Variants in UTRN observed in about 807,000 individuals in gnomAD.
UTRN encodes dystrophin-related protein 1.
UTRN carries 283 observed loss-of-function variants against 463.9 expected under a neutral mutation model. The observed-to-expected ratio is 0.61, with a 90% CI of 0.55 to 0.67. The LOEUF (loss-of-function observed/expected upper bound fraction) is 0.67, where lower values mean the gene tolerates loss of function less well. Among genes scored for constraint, UTRN ranks in the 30% least tolerant of loss-of-function variants. The probability of loss-of-function intolerance (pLI) is 0.00; values close to 1 mark genes in which losing one functional copy is unlikely to be tolerated. For missense variants in UTRN, 3,922 were observed against 4,084.3 expected (o/e 0.96, Z 1.08); for synonymous variants, 1,442 against 1,431.5 (o/e 1.01, Z -0.17).
intron 53 of UTRN, among the ~76,000 whole-genome samples, chr6:144,722,639 T>C (rs1031028690): frequency 2.6e-5 from 4 of 152,150 alleles, no homozygotes; most frequent in Non-Finnish European, 1.5e-5. Context: ...CTTAGACATA[T>C]GTAACCATTT....
In UTRN at chr6:144,432,279, C is replaced by T. The variant is rs12663851; in HGVS notation, c.855+2538C>T. Among the ~76,000 whole-genome samples, 1,791 of 152,278 alleles carry T rather than the reference C, an allele frequency of 0.012. 70 individuals are homozygous for T. In the East Asian group the frequency reaches 0.14, roughly 12 times the overall value. Reference sequence around the variant, plus strand: ...GCACCCACCATTATATGGCAGCCTGCACATTTTTCCTCAGTTTAAATGGAG... The same window carrying T: ...GCACCCACCATTATATGGCAGCCTGTACATTTTTCCTCAGTTTAAATGGAG... On this transcript the variant is annotated intron_variant, in intron 9 of 74. Transcript: ENST00000367545.
intron 46 of UTRN, among the ~76,000 whole-genome samples, chr6:144,547,290 A>G: frequency 6.6e-6 from 1 of 152,192 alleles, no homozygotes; most frequent in Non-Finnish European, 1.5e-5. Flanking sequence ...TTTGTCTGCA[A>G]TGGGCATTGC....
chr6:144,539,537 C>T, intron 45 of UTRN, 94 bp downstream of exon 45: 3 of 1,306,452 alleles, frequency 2.3e-6, no homozygotes, highest in Non-Finnish European at 3.1e-6. Context: ...TCAAGTATGT[C>T]CAAATGGGGC....
At chr6:144,528,282 T>C (rs1000153221) in intron 41 of UTRN, among the ~76,000 whole-genome samples, 2 of 152,188 alleles carry the variant, frequency 1.3e-5, no homozygotes, top group Non-Finnish European at 2.9e-5. Context: ...GTTATCTGCC[T>C]GCCTTGGCCT....
At chr6:144,484,732 C>T (rs894503345) in intron 27 of UTRN, among the ~76,000 whole-genome samples, 10 of 151,716 alleles carry the variant, frequency 6.6e-5, no homozygotes, top group Non-Finnish European at 1.2e-4. Flanking sequence ...TGTGAACCAC[C>T]GCACTTGGTC....
intron 2 of UTRN, among the ~76,000 whole-genome samples, chr6:144,333,527 A>G (rs1274147111): frequency 6.6e-6 from 1 of 152,228 alleles, no homozygotes; most frequent in Non-Finnish European, 1.5e-5. Flanking sequence ...GCCAGGTAAA[A>G]AAAATGTTAT....
Position 144,487,531 on chromosome 6 carries a change from TCCCA to T in UTRN, c.3823-16_3823-13del, listed in dbSNP as rs1584981902. The T allele has an allele frequency of 6.4e-6, 10 of 1,573,566 alleles. No individual in the cohort carries two copies. The highest frequency in any genetic ancestry group is 1.7e-4 in the Middle Eastern group (1 of 5,922). Reference sequence around the variant, plus strand: ...TAGTAAATGCATTATTATTTTTTTTTCCCATCTCCATTCCAGTCTCTGGAATCTG... The same window carrying T: ...TAGTAAATGCATTATTATTTTTTTTTTCTCCATTCCAGTCTCTGGAATCTG... On this transcript the variant is annotated splice_polypyrimidine_tract_variant and intron_variant, in intron 28 of 74. Coordinates refer to ENST00000367545, the MANE Select transcript of UTRN (RefSeq NM_007124.3).
At chr6:144,328,907 C>T (rs1487815108) in intron 2 of UTRN, among the ~76,000 whole-genome samples, 5 of 152,016 alleles carry the variant, frequency 3.3e-5, no homozygotes, top group Non-Finnish European at 7.4e-5. Flanking sequence ...CCTCAGTCTC[C>T]CAAGTAGCTG....
Position 144,493,320 on chromosome 6 carries a change from G to A in UTRN, c.4457G>A (p.Ser1486Asn). 6.2e-7 allele frequency: 1 copy of A among 1,614,098 alleles called. No individual in the cohort carries two copies. The highest frequency in any genetic ancestry group is 8.5e-7 in the Non-Finnish European group (1 of 1,179,964). ...DKCMKLYKTLSEVKLEVETVI... is the reference protein window; with the variant it reads ...DKCMKLYKTLNEVKLEVETVI... ...TTAAAGAAACTGTATAAAACTTTGAGTGAAGTCAAACTTGAAGTGGAAACT... is the reference window on the plus strand; with the variant it reads ...TTAAAGAAACTGTATAAAACTTTGAATGAAGTCAAACTTGAAGTGGAAACT... Residue 1486 changes from serine to asparagine, a missense_variant, in exon 33 of 75, where the codon AGT becomes AAT. Transcript: ENST00000367545.
intron 41 of UTRN, among the ~76,000 whole-genome samples, chr6:144,525,592 A>G (rs1796500577): frequency 6.6e-6 from 1 of 151,986 alleles, no homozygotes; most frequent in Non-Finnish European, 1.5e-5. Context: ...AATCTCACCA[A>G]TAGTCTGTAA....
chr6:144,752,360 T>C (rs1228232940), intron 56 of UTRN, among the ~76,000 whole-genome samples: 2 of 152,260 alleles, frequency 1.3e-5, no homozygotes, highest in Admixed American at 6.5e-5. Flanking sequence ...TGGTTGCTAT[T>C]TAAATATCTT....
intron 9 of UTRN, among the ~76,000 whole-genome samples, chr6:144,432,019 T>C (rs1330596435): frequency 2.6e-5 from 4 of 152,204 alleles, no homozygotes; most frequent in African/African-American, 9.6e-5. Flanking sequence ...AGTTTTAGGG[T>C]ACATGTGCAC....
intron 2 of UTRN, among the ~76,000 whole-genome samples, chr6:144,341,966 T>A (rs1345362337): frequency 6.6e-6 from 1 of 152,226 alleles, no homozygotes; most frequent in Non-Finnish European, 1.5e-5. Flanking sequence ...CTTCAGGACC[T>A]CACTTCAGCA....
chr6:144,451,854 G>A (rs546511103), intron 18 of UTRN, among the ~76,000 whole-genome samples: 5 of 151,820 alleles, frequency 3.3e-5, no homozygotes, highest in South Asian at 2.1e-4. Flanking sequence ...TTTTGCCTTC[G>A]GAATACAACA....
At chr6:144,516,735 C>A in intron 38 of UTRN, 76 bp from the exon 39 acceptor site, 1 of 1,245,834 alleles carries the variant, frequency 8.0e-7, no homozygotes, top group Non-Finnish European at 1.0e-6. Context: ...GTTAGTTTTC[C>A]TCCTTAGGAG....
At chr6:144,726,888 G>T (rs1270992829) in intron 53 of UTRN, among the ~76,000 whole-genome samples, 1 of 152,158 alleles carries the variant, frequency 6.6e-6, no homozygotes, top group Non-Finnish European at 1.5e-5. Context: ...GAAGTTGATA[G>T]GTTGGTTTTC....
At chr6:144,817,673 C>T (rs1340497898) in intron 65 of UTRN, among the ~76,000 whole-genome samples, 2 of 152,256 alleles carry the variant, frequency 1.3e-5, no homozygotes, top group East Asian at 1.9e-4. Context: ...ACTTTATTGG[C>T]TCTATCCCAG....
At chr6:144,635,545 T>C (rs1427133564) in intron 51 of UTRN, among the ~76,000 whole-genome samples, 1 of 107,154 alleles carries the variant, frequency 9.3e-6, no homozygotes, top group Non-Finnish European at 1.7e-5. Flanking sequence ...CTTTTTTTTT[T>C]TTTTTTTTTT....
chr6:144,522,029 G>A lies in UTRN; in HGVS notation c.5591G>A (p.Arg1864Lys). The A allele has an allele frequency of 2.5e-6, 4 of 1,583,658 alleles. No individual in the cohort carries two copies. The highest frequency in any genetic ancestry group is 3.4e-6 in the Non-Finnish European group (4 of 1,167,594). Residue 1864 changes from arginine (R) to lysine (K), a missense_variant, in exon 40 of 75, where the codon AGA (arginine) becomes AAA (lysine). Arg to Lys is a conservative substitution (Grantham distance 26, BLOSUM62 2). This residue lies in a region of UTRN where 2,349 missense variants were observed against 2,303.8 expected (regional missense o/e 1.02). Coordinates refer to ENST00000367545, the MANE Select transcript of UTRN (RefSeq NM_007124.3). ...ATGGGTCAACTTGCTTCTGGAATTA[G>A]ATCATCACTTCTTCCTACAGATTAT... ...RKMGQLASGI[R>K]SSLLPTDYLV...
Sources: gnomAD v4.1 joint callset for allele counts (sites outside exome capture counted in the v4.1 genomes callset) on GRCh38, gnomAD v4.1.1 for gene constraint, gnomAD v4.1.1 regional missense constraint, MANE v1.5 for transcripts, NCBI Gene and HGNC (gene_info 2026-07-23, HGNC 2026-07-21) for gene names.